MEIS3: variants seen among roughly 807,000 people sequenced by gnomAD.
MEIS3 encodes homeobox protein Meis3.
A neutral mutation model predicts 51.4 loss-of-function variants in MEIS3; 38 were observed. That is an observed-to-expected ratio of 0.74 (90% CI 0.57 to 0.97). The LOEUF (loss-of-function observed/expected upper bound fraction) is 0.97. Among genes scored for constraint, MEIS3 ranks in the 50% least tolerant of loss-of-function variants. MEIS3 has a pLI of 0.00. For missense variants in MEIS3, 456 were observed against 502.6 expected, an observed-to-expected ratio of 0.91 and a Z score of 0.89; for synonymous variants, 198 against 201.8, an observed-to-expected ratio of 0.98 and a Z score of 0.16.
rs539322202 is a variant in MEIS3, at chr19:47,416,800, C to T, written c.345+4G>A. On this transcript the variant is annotated splice_donor_region_variant and intron_variant, in intron 3 of 12. Transcript: ENST00000558555. ...TCGGTGTGTGGTGGGTGGGAGGTGCCCACCTGCTTGGCAAAGGCAGCGATG... is the reference window on the plus strand; with the variant it reads ...TCGGTGTGTGGTGGGTGGGAGGTGCTCACCTGCTTGGCAAAGGCAGCGATG... 2.5e-6 allele frequency: 4 copies of T among 1,613,412 alleles called. No individual in the cohort carries two copies. The African/African-American group carries it at 5.3e-5, about 21-fold the overall frequency.
At chr19:47,413,008 C>A (rs185969349) in intron 6 of MEIS3, among the ~76,000 whole-genome samples, 2 of 152,048 alleles carry the variant, frequency 1.3e-5, no homozygotes, top group East Asian at 3.9e-4. Flanking sequence ...CCAGCCATCA[C>A]CAGTCTACAT....
At chr19:47,416,508 C>G (rs931843220) in intron 4 of MEIS3, 144 bp downstream of exon 4, 1 of 695,242 alleles carries the variant, frequency 1.4e-6, no homozygotes, top group Non-Finnish European at 2.4e-6. Flanking sequence ...CTGTACCACA[C>G]GGCACGTGGG....
upstream of MEIS3, among the ~76,000 whole-genome samples, chr19:47,421,703 G>A (rs528270382): frequency 7.3e-4 from 109 of 150,226 alleles, no homozygotes; most frequent in African/African-American, 2.6e-3. Context: ...GGCTATGTCT[G>A]TCTGTCTGTC....
chr19:47,418,287 T>C (rs1971560551), intron 1 of MEIS3: 1 of 152,982 alleles, frequency 6.5e-6, no homozygotes, highest in African/African-American at 2.4e-5. Context: ...CGTTCCTGCC[T>C]CGGACCCTCG....
chr19:47,419,596 A>C (rs997249633), upstream of MEIS3: 1 of 13,904 alleles, frequency 7.2e-5, no homozygotes, highest in Non-Finnish European at 1.5e-4. Flanking sequence ...GTGAGCCTGC[A>C]GAGCTACAGC....
chr19:47,406,448 A>G lies in MEIS3; in HGVS notation c.*17+12T>C. On this transcript the variant is annotated intron_variant, in intron 12 of 12. Transcript: ENST00000558555. ...GAGAATTGCACAATCCCCAGCCCTT[A>G]GACCCTCACACCTCTCCTGCATCAG... is the stretch of plus-strand genomic sequence containing the variant. 1 of 1,610,046 alleles carries G rather than the reference A, an allele frequency of 6.2e-7. No individual in the cohort carries two copies. The highest frequency in any genetic ancestry group is 8.5e-7 in the Non-Finnish European group (1 of 1,177,012).
upstream of MEIS3, among the ~76,000 whole-genome samples, chr19:47,420,904 T>TCACACACACA (rs1416883609): frequency 1.6e-4 from 15 of 92,746 alleles, no homozygotes; most frequent in South Asian, 1.1e-3. Context: ...TCTCTCTCTC[T>TCACACACACA]CTCTCTCACA....
chr19:47,420,940 A>ACTCTCT (rs71180840), upstream of MEIS3, among the ~76,000 whole-genome samples: 840 of 90,896 alleles, frequency 9.2e-3, 13 homozygotes, highest in Non-Finnish European at 0.012. Context: ...ACACACACAC[A>ACTCTCT]CTCTCTCTCT....
chr19:47,419,231 TCA>T lies in MEIS3; in HGVS notation c.-152_-151del. Reference sequence around the variant, plus strand: ...GCGCGCCCCCCCACCCCCGCCGCCGTCAGCGGCAGGCGCCGGGCCGGGTGGGG... The same window carrying T: ...GCGCGCCCCCCCACCCCCGCCGCCGTGCGGCAGGCGCCGGGCCGGGTGGGG... On this transcript the variant is annotated 5_prime_UTR_variant, in exon 1 of 13. It removes the in-frame stop codon of an upstream open reading frame in the 5' UTR. Transcript: ENST00000558555. The T allele has an allele frequency of 9.0e-6, 4 of 445,332 alleles. No individual in the cohort carries two copies. In the East Asian group the frequency reaches 1.7e-4, roughly 19 times the overall value. 27.6% of individuals were successfully genotyped at this position (445,332 alleles called of 1,614,324 possible).
chr19:47,417,104 A>T, intron 2 of MEIS3, 74 bp downstream of exon 2: 9 of 1,541,898 alleles, frequency 5.8e-6, no homozygotes, highest in Non-Finnish European at 7.8e-6. Context: ...AGAGAGACAG[A>T]AGCAGACCCA....
chr19:47,419,996 GC>G (rs913918927), upstream of MEIS3, among the ~76,000 whole-genome samples: 1 of 152,144 alleles, frequency 6.6e-6, no homozygotes, highest in Admixed American at 6.5e-5. Flanking sequence ...GCGGGGGTGG[GC>G]TGTGGATAAC....
At chr19:47,420,521 C>CAGAG (rs148696106), upstream of MEIS3, among the ~76,000 whole-genome samples, 2 of 135,142 alleles carry the variant, frequency 1.5e-5, no homozygotes, top group South Asian at 2.3e-4. Context: ...CGGTGTGATT[C>CAGAG]AGAGAGAGAG....
intron 5 of MEIS3, 42 bp from the exon 6 acceptor site, chr19:47,414,908 G>T: frequency 7.6e-7 from 1 of 1,323,366 alleles, no homozygotes; most frequent in Non-Finnish European, 1.1e-6. Flanking sequence ...ACCCACGGGG[G>T]CAGGGCGGGG....
chr19:47,406,290 G>C (rs1376655573), intron 12 of MEIS3, 170 bp downstream of exon 12: 5 of 542,560 alleles, frequency 9.2e-6, no homozygotes, highest in Non-Finnish European at 1.7e-5. Context: ...TGGATGGATG[G>C]ATGGATGGAC....
intron 12 of MEIS3, among the ~76,000 whole-genome samples, chr19:47,404,949 T>A (rs552493247): frequency 1.3e-5 from 2 of 152,340 alleles, no homozygotes; most frequent in African/African-American, 4.8e-5. Flanking sequence ...GCTCAGGGGA[T>A]GGATGGACAG....
chr19:47,417,283 G>A lies in MEIS3; in HGVS notation c.80C>T (p.Thr27Ile), dbSNP rs1971485285. 3 of 1,613,584 alleles carry A rather than the reference G, an allele frequency of 1.9e-6. No individual in the cohort carries two copies. Among genetic ancestry groups the A allele is most frequent in the East Asian group, 4.5e-5 (2 of 44,886 alleles). ...ATAGGGCCCTGGTACTGCGGGCACT[G>A]TCTCTGGGAAGCTAGCCAGGGCTGC... ...GPAALASFPE[T>I]VPAVPGPYGP... is the part of the protein sequence containing the mutation. The change falls in exon 2 of 13, where the codon ACA (threonine) becomes ATA (isoleucine). Residue 27 changes from threonine (T) to isoleucine (I), a missense_variant. Transcript: ENST00000558555.
intron 6 of MEIS3, among the ~76,000 whole-genome samples, chr19:47,410,143 C>A (rs958839419): frequency 6.6e-6 from 1 of 151,974 alleles, no homozygotes; most frequent in African/African-American, 2.4e-5. Flanking sequence ...CCCATCTCTA[C>A]TAAAAATACA....
chr19:47,406,372 C>T, intron 12 of MEIS3, 88 bp downstream of exon 12: 1 of 1,096,236 alleles, frequency 9.1e-7, no homozygotes, highest in Non-Finnish European at 1.4e-6. Context: ...CAGGCTGACC[C>T]ACTACTCTGG....
At chr19:47,421,984 C>A (rs1207117117), upstream of MEIS3, among the ~76,000 whole-genome samples, 1 of 151,932 alleles carries the variant, frequency 6.6e-6, no homozygotes, top group African/African-American at 2.4e-5. Context: ...AAATACATCG[C>A]CCCCTTCCCG....
Sources: gnomAD v4.1 joint callset for allele counts (sites outside exome capture counted in the v4.1 genomes callset) on GRCh38, gnomAD v4.1.1 for gene constraint, MANE v1.5 for transcripts, NCBI Gene and HGNC (gene_info 2026-07-23, HGNC 2026-07-21) for gene names.